NRG3: variants seen among roughly 807,000 people sequenced by gnomAD.
The protein encoded by NRG3 is pro-neuregulin-3, membrane-bound isoform.
In NRG3, 31 loss-of-function variants were observed where a neutral mutation model predicts 66.9. The observed-to-expected ratio is 0.46, with a 90% CI of 0.35 to 0.63. The LOEUF is 0.63. NRG3 is among the 20% of genes least tolerant of loss of function. NRG3 has a pLI of 0.00. For synonymous variants in NRG3, 393 were observed against 359.4 expected (o/e 1.09, Z -1.06); for missense variants, 910 against 878.9 (o/e 1.04, Z -0.45).
At chr10:82,199,756 A>G (rs1469400209) in intron 1 of NRG3, among the ~76,000 whole-genome samples, 1 of 152,160 alleles carries the variant, frequency 6.6e-6, no homozygotes, top group African/African-American at 2.4e-5. Flanking sequence ...GAAGCTATCT[A>G]CACTTGGTGC....
intron 4 of NRG3, among the ~76,000 whole-genome samples, chr10:82,948,125 T>A (rs1849188610): frequency 6.6e-6 from 1 of 152,084 alleles, no homozygotes; most frequent in South Asian, 2.1e-4. Context: ...TTCATTTTTG[T>A]GGATATGGCT....
intron 2 of NRG3, among the ~76,000 whole-genome samples, chr10:82,479,773 C>G (rs1842099602): frequency 6.6e-6 from 1 of 151,910 alleles, no homozygotes; most frequent in East Asian, 1.9e-4. Context: ...TGAGACCATC[C>G]TGGCTAACAT....
At chr10:82,951,936 A>G (rs1011254811) in intron 5 of NRG3, among the ~76,000 whole-genome samples, 2 of 152,240 alleles carry the variant, frequency 1.3e-5, no homozygotes, top group Non-Finnish European at 2.9e-5. Context: ...GGCCACTGCT[A>G]TGAACCTGCA....
At chr10:82,528,445 G>T (rs1846936155) in intron 2 of NRG3, among the ~76,000 whole-genome samples, 1 of 152,168 alleles carries the variant, frequency 6.6e-6, no homozygotes, top group Non-Finnish European at 1.5e-5. Context: ...AGCAGAAGCT[G>T]CATTAATTCA....
Position 82,985,793 on chromosome 10 carries a change from A to C in NRG3, c.*188A>C. 1.6e-6 allele frequency: 1 copy of C among 642,916 alleles called. No homozygotes were observed. Among genetic ancestry groups the C allele is most frequent in the Admixed American group, 3.1e-5 (1 of 32,006 alleles). 39.8% of individuals were successfully genotyped at this position (642,916 alleles called of 1,614,324 possible). A position where few individuals can be genotyped will look rare whatever the true frequency, so the allele number is the denominator to read the frequency against. On this transcript the variant is annotated 3_prime_UTR_variant, in exon 9 of 9. Coordinates refer to ENST00000372141, the MANE Select transcript of NRG3 (RefSeq NM_001010848.4). Reference sequence around the variant, plus strand: ...AAGGGAAAGAAATGTTTCAGGAGGGATAAAGCTTACCATTAAAGCTTTTGG... The same window carrying C: ...AAGGGAAAGAAATGTTTCAGGAGGGCTAAAGCTTACCATTAAAGCTTTTGG...
chr10:82,166,802 C>A, intron 1 of NRG3: 1 of 677,486 alleles, frequency 1.5e-6, no homozygotes, highest in Non-Finnish European at 2.7e-6. Context: ...TGTGGGTCTG[C>A]TGCTGACGAA....
At chr10:82,131,110 A>G (rs184826287) in intron 1 of NRG3, among the ~76,000 whole-genome samples, 2 of 152,194 alleles carry the variant, frequency 1.3e-5, no homozygotes, top group Admixed American at 1.3e-4. Flanking sequence ...CTCAAGCAAT[A>G]TTTACTCTGA....
intron 1 of NRG3, among the ~76,000 whole-genome samples, chr10:82,209,529 A>G (rs10884340): frequency 0.54 from 81,655 of 151,906 alleles, 22,579 homozygotes; most frequent in Non-Finnish European, 0.6. Context: ...GTAACTGGGC[A>G]ATCAGACATT....
intron 1 of NRG3, among the ~76,000 whole-genome samples, chr10:81,968,214 C>T (rs2059803417): frequency 6.6e-6 from 1 of 152,190 alleles, no homozygotes; most frequent in African/African-American, 2.4e-5. Flanking sequence ...CTCCTAGGGC[C>T]TGGTAGGCCT....
At chr10:82,344,318 G>T (rs2135421973) in intron 1 of NRG3, among the ~76,000 whole-genome samples, 1 of 151,286 alleles carries the variant, frequency 6.6e-6, no homozygotes, top group South Asian at 2.1e-4. Context: ...GCGGTGTTTG[G>T]TTTTTTGTTC....
chr10:82,792,704 G>C (rs946946287), intron 3 of NRG3, among the ~76,000 whole-genome samples: 1 of 151,476 alleles, frequency 6.6e-6, no homozygotes, highest in Non-Finnish European at 1.5e-5. Context: ...TTTTTTGACG[G>C]AGTTTTGCTC....
chr10:82,084,180 A>T (rs1310914876), intron 1 of NRG3, among the ~76,000 whole-genome samples: 1 of 152,052 alleles, frequency 6.6e-6, no homozygotes, highest in Non-Finnish European at 1.5e-5. Context: ...GTGAGCCGAG[A>T]TTGCGCCACT....
chr10:82,418,692 C>T (rs1247770360), intron 2 of NRG3, among the ~76,000 whole-genome samples: 1 of 152,060 alleles, frequency 6.6e-6, no homozygotes, highest in Non-Finnish European at 1.5e-5. Context: ...CCTCAAATTC[C>T]AGGGCTCAAG....
At chr10:81,935,172 A>G (rs538905891) in intron 1 of NRG3, among the ~76,000 whole-genome samples, 2 of 152,318 alleles carry the variant, frequency 1.3e-5, no homozygotes, top group African/African-American at 2.4e-5. Context: ...CCAGATAAAT[A>G]TGGAATTCGC....
At chr10:82,352,301 A>G (rs2083484013) in intron 1 of NRG3, among the ~76,000 whole-genome samples, 1 of 152,216 alleles carries the variant, frequency 6.6e-6, no homozygotes, top group Non-Finnish European at 1.5e-5. Flanking sequence ...AATGAAGGTT[A>G]TTATTTCTAG....
chr10:82,057,670 T>A (rs1169632581), intron 1 of NRG3, among the ~76,000 whole-genome samples: 2 of 151,900 alleles, frequency 1.3e-5, no homozygotes, highest in Non-Finnish European at 2.9e-5. Context: ...GTTTCAAACA[T>A]GAGGGCAAAT....
chr10:82,416,202 C>G (rs959969795), intron 2 of NRG3, among the ~76,000 whole-genome samples: 1 of 152,144 alleles, frequency 6.6e-6, no homozygotes, highest in Non-Finnish European at 1.5e-5. Context: ...AGTCCAAACT[C>G]TTTAGTATGC....
intron 2 of NRG3, among the ~76,000 whole-genome samples, chr10:82,439,231 AT>A (rs1335532231): frequency 6.6e-6 from 1 of 152,124 alleles, no homozygotes. Context: ...TAAAATCAAG[AT>A]TTTGTTTGAA....
At chr10:82,874,683 C>A (rs988507022) in intron 4 of NRG3, among the ~76,000 whole-genome samples, 1 of 152,142 alleles carries the variant, frequency 6.6e-6, no homozygotes, top group African/African-American at 2.4e-5. Flanking sequence ...CTATTTATAT[C>A]GCTATCTTAC....
Sources: gnomAD v4.1 joint callset for allele counts (sites outside exome capture counted in the v4.1 genomes callset) on GRCh38, gnomAD v4.1.1 for gene constraint, MANE v1.5 for transcripts, NCBI Gene and HGNC (gene_info 2026-07-23, HGNC 2026-07-21) for gene names.